The following KCNH8 variants were observed in gnomAD, a reference collection of about 807,000 sequenced individuals.
KCNH8 encodes the protein potassium voltage-gated channel subfamily H member 8, also known as voltage-gated delayed rectifier potassium channel KCNH8.
KCNH8 carries 70 observed loss-of-function variants against 103.6 expected under a neutral mutation model. That is an observed-to-expected ratio of 0.68 (90% CI 0.56 to 0.82). The LOEUF is 0.82. Ranked by LOEUF, KCNH8 falls within the 40% of genes least tolerant of loss-of-function variation. The pLI is 0.00. For synonymous variants in KCNH8, 498 were observed against 489.4 expected (o/e 1.02, Z -0.23); for missense variants, 1,217 against 1,329.9 (o/e 0.92, Z 1.32).
Position 19,177,604 on chromosome 3 carries a change from T to C in KCNH8, c.76+28809T>C, listed in dbSNP as rs186789107. On this transcript the variant is annotated intron_variant, in intron 1 of 15. Transcript: ENST00000328405. ...TAAAACTTGAGTATTTAAATGCATG[T>C]ATATTTAAATACATGTGTATTATTT... Among the ~76,000 whole-genome samples the C allele has an allele frequency of 3.3e-5, 5 of 152,148 alleles. No homozygotes were observed. The East Asian group carries it at 9.6e-4, about 29-fold the overall frequency.
At chr3:19,503,093 C>G (rs1398865430) in intron 11 of KCNH8, among the ~76,000 whole-genome samples, 5 of 151,222 alleles carry the variant, frequency 3.3e-5, no homozygotes, top group Admixed American at 1.3e-4. Context: ...AAAAAACAAA[C>G]AACCCCATCA....
chr3:19,370,739 C>T (rs1022895511), intron 5 of KCNH8, among the ~76,000 whole-genome samples: 3 of 151,860 alleles, frequency 2.0e-5, no homozygotes, highest in African/African-American at 7.3e-5. Context: ...AGGTATATCT[C>T]CCAATGCTAT....
chr3:19,475,542 C>CT (rs1337046097), intron 11 of KCNH8, among the ~76,000 whole-genome samples: 1 of 152,132 alleles, frequency 6.6e-6, no homozygotes, highest in African/African-American at 2.4e-5. Flanking sequence ...AATTTCCTCA[C>CT]TGTTTATTTC....
intron 5 of KCNH8, among the ~76,000 whole-genome samples, chr3:19,373,094 C>T (rs888747647): frequency 1.1e-4 from 17 of 151,842 alleles, no homozygotes; most frequent in South Asian, 8.3e-4. Flanking sequence ...TGTCTGTGCC[C>T]GGCTTTGGTA....
intron 3 of KCNH8, among the ~76,000 whole-genome samples, chr3:19,341,082 T>A (rs1228395971): frequency 6.6e-6 from 1 of 152,122 alleles, no homozygotes; most frequent in Non-Finnish European, 1.5e-5. Context: ...CTTTTCTTGA[T>A]TCTTCTTTTG....
chr3:19,306,724 G>T (rs1487052162), intron 3 of KCNH8, among the ~76,000 whole-genome samples: 2 of 152,024 alleles, frequency 1.3e-5, no homozygotes, highest in African/African-American at 2.4e-5. Flanking sequence ...CATCTTCCTT[G>T]CCAATAAAAT....
In KCNH8 at chr3:19,281,970, A is replaced by G. The variant is rs139922732; in HGVS notation, c.442+641A>G. 4.3e-3 allele frequency among the ~76,000 whole-genome samples: 659 copies of G among 152,240 alleles called. 4 individuals are homozygous for G. The highest frequency in any genetic ancestry group is 0.015 in the African/African-American group (606 of 41,568). On this transcript the variant is annotated intron_variant, in intron 3 of 15. Coordinates refer to ENST00000328405, the MANE Select transcript of KCNH8 (RefSeq NM_144633.3). ...ATTTTGTATAAGCTGACAAAAGTTA[A>G]CACTGAAAAACTGCTGATATTATTT...
At chr3:19,180,765 A>C (rs1361364529) in intron 1 of KCNH8, among the ~76,000 whole-genome samples, 2 of 152,158 alleles carry the variant, frequency 1.3e-5, no homozygotes, top group African/African-American at 4.8e-5. Flanking sequence ...ATAGGCTATG[A>C]GGATATACTC....
intron 3 of KCNH8, among the ~76,000 whole-genome samples, chr3:19,282,638 A>G (rs1444686878): frequency 1.3e-5 from 2 of 152,104 alleles, no homozygotes; most frequent in Non-Finnish European, 2.9e-5. Flanking sequence ...ACTTGTTTGG[A>G]ATATGAGGAC....
At chr3:19,400,742 C>T (rs1195150717) in intron 7 of KCNH8, among the ~76,000 whole-genome samples, 1 of 151,692 alleles carries the variant, frequency 6.6e-6, no homozygotes, top group Admixed American at 6.6e-5. Context: ...TGGATAAAAC[C>T]TCATAAATGC....
intron 1 of KCNH8, among the ~76,000 whole-genome samples, chr3:19,179,462 A>T (rs570069979): frequency 6.6e-6 from 1 of 152,308 alleles, no homozygotes; most frequent in South Asian, 2.1e-4. Context: ...GACAATTAAA[A>T]TACTTCTGGC....
At chr3:19,277,141 T>TA (rs2064685564) in intron 2 of KCNH8, among the ~76,000 whole-genome samples, 1 of 152,064 alleles carries the variant, frequency 6.6e-6, no homozygotes, top group Non-Finnish European at 1.5e-5. Context: ...ATTTGAGAGC[T>TA]AAAAAAGTGG....
At chr3:19,375,996 C>G (rs1217143710) in intron 5 of KCNH8, among the ~76,000 whole-genome samples, 3 of 152,200 alleles carry the variant, frequency 2.0e-5, no homozygotes, top group Non-Finnish European at 4.4e-5. Context: ...CCACTGCTCT[C>G]TTCAAAGCTG....
intron 4 of KCNH8, chr3:19,346,771 A>G (rs1276134221): frequency 3.6e-5 from 16 of 440,620 alleles, no homozygotes; most frequent in Non-Finnish European, 3.2e-5. Flanking sequence ...TGCTCTGTTA[A>G]TTCAACTAAA....
intron 5 of KCNH8, among the ~76,000 whole-genome samples, chr3:19,354,901 A>T (rs1177478020): frequency 6.6e-6 from 1 of 152,222 alleles, no homozygotes; most frequent in Non-Finnish European, 1.5e-5. Context: ...TAAACTAAAG[A>T]GCTTCTGCAC....
intron 1 of KCNH8, among the ~76,000 whole-genome samples, chr3:19,225,412 C>T (rs1276307186): frequency 1.3e-5 from 2 of 152,158 alleles, no homozygotes; most frequent in East Asian, 1.9e-4. Context: ...AGAAATCTTT[C>T]GATCACATTA....
intron 5 of KCNH8, among the ~76,000 whole-genome samples, chr3:19,370,453 G>A (rs2066072929): frequency 6.6e-6 from 1 of 151,992 alleles, no homozygotes; most frequent in Admixed American, 6.6e-5. Flanking sequence ...CACTGCTACT[G>A]AGTGAGAGAG....
At chr3:19,335,608 TTATTTG>T (rs1456411956) in intron 3 of KCNH8, among the ~76,000 whole-genome samples, 1 of 151,410 alleles carries the variant, frequency 6.6e-6, no homozygotes, top group Admixed American at 6.6e-5. Context: ...GTCAAAAGAA[TTATTTG>T]TTCCTTTAAA....
intron 1 of KCNH8, among the ~76,000 whole-genome samples, chr3:19,241,778 T>C (rs895466881): frequency 1.3e-5 from 2 of 151,922 alleles, no homozygotes; most frequent in East Asian, 3.9e-4. Context: ...AAACCATTCC[T>C]GATGGAGAAA....
Sources: gnomAD v4.1 joint callset for allele counts (sites outside exome capture counted in the v4.1 genomes callset) on GRCh38, gnomAD v4.1.1 for gene constraint, MANE v1.5 for transcripts, NCBI Gene and HGNC (gene_info 2026-07-23, HGNC 2026-07-21) for gene names.